The following DSCAM variants were observed in gnomAD, a reference collection of about 807,000 sequenced individuals.
The protein encoded by DSCAM is DS cell adhesion molecule.
DSCAM carries 47 observed loss-of-function variants against 217.7 expected under a neutral mutation model. The ratio of observed to expected loss-of-function variants is 0.22; its 90% CI spans 0.17 to 0.28. The LOEUF is 0.28. Ranked by LOEUF, DSCAM falls within the 10% of genes least tolerant of loss-of-function variation. DSCAM has a pLI of 1.00. For missense variants in DSCAM, 2,080 were observed against 2,618.3 expected (o/e 0.79, Z 4.49); for synonymous variants, 1,056 against 1,015.3 (o/e 1.04, Z -0.76).
intron 26 of DSCAM, among the ~76,000 whole-genome samples, chr21:40,075,657 T>C (rs756862960): frequency 1.3e-5 from 2 of 152,210 alleles, no homozygotes; most frequent in African/African-American, 2.4e-5. Flanking sequence ...GGGTCCTAGA[T>C]ACACTGGCAT....
chr21:40,144,754 C>T lies in DSCAM; in HGVS notation c.3019-23G>A. 6.2e-7 allele frequency: 1 copy of T among 1,613,682 alleles called. No individual in the cohort carries two copies. Among genetic ancestry groups the T allele is most frequent in the Non-Finnish European group, 8.5e-7 (1 of 1,179,882 alleles). On this transcript the variant is annotated intron_variant, in intron 16 of 32. Transcript: ENST00000400454. This position sits in a 1 kb window ranked among gnomAD's most constrained non-coding sequence, Gnocchi z 4.8. ...AGCCTAAACAGGAGAGAAAAGAACACACTAAAGAAGTCTTGAGGTAGGACA... is the reference window on the plus strand; with the variant it reads ...AGCCTAAACAGGAGAGAAAAGAACATACTAAAGAAGTCTTGAGGTAGGACA...
At chr21:40,536,467 T>C (rs1487327689) in intron 3 of DSCAM, among the ~76,000 whole-genome samples, 3 of 148,390 alleles carry the variant, frequency 2.0e-5, no homozygotes, top group Non-Finnish European at 4.5e-5. Context: ...AGTGGCGCCA[T>C]CTCGGCTCAC....
At chr21:40,385,068 CCA>C (rs570724964) in intron 3 of DSCAM, 4 of 152,006 alleles carry the variant, frequency 2.6e-5, no homozygotes, top group Admixed American at 6.6e-5. Flanking sequence ...GTGTGTATTC[CCA>C]GTTTCGACTT....
At chr21:40,372,592 T>C (rs569471527) in intron 3 of DSCAM, among the ~76,000 whole-genome samples, 1 of 152,302 alleles carries the variant, frequency 6.6e-6, no homozygotes, top group South Asian at 2.1e-4. Flanking sequence ...CTATGTGGCA[T>C]CTCAAGATGC....
chr21:40,202,474 T>C (rs1331870018), intron 11 of DSCAM, among the ~76,000 whole-genome samples: 2 of 152,190 alleles, frequency 1.3e-5, no homozygotes, highest in African/African-American at 4.8e-5. Flanking sequence ...GTGTGCTGTG[T>C]CTTCTGGAAG....
chr21:40,732,975 G>A (rs1189530901), intron 1 of DSCAM, among the ~76,000 whole-genome samples: 1 of 152,214 alleles, frequency 6.6e-6, no homozygotes, highest in Non-Finnish European at 1.5e-5. Context: ...TACAGCGACA[G>A]TTAAAGATTA....
At chr21:40,455,602 A>C (rs1374585595) in intron 3 of DSCAM, among the ~76,000 whole-genome samples, 1 of 152,186 alleles carries the variant, frequency 6.6e-6, no homozygotes, top group East Asian at 1.9e-4. Context: ...CCCCGTCTCT[A>C]CTGTAAATAT....
intron 32 of DSCAM, among the ~76,000 whole-genome samples, chr21:40,033,970 G>T (rs1204967530): frequency 7.9e-6 from 1 of 127,292 alleles, no homozygotes; most frequent in Non-Finnish European, 1.7e-5. Context: ...TGAGGGTCCT[G>T]TCTGTTAGAA....
chr21:40,447,191 G>T (rs753366495), intron 3 of DSCAM, among the ~76,000 whole-genome samples: 9 of 152,160 alleles, frequency 5.9e-5, no homozygotes, highest in Non-Finnish European at 1.3e-4. Flanking sequence ...GGGCATGTAG[G>T]TGAATGAAAC....
chr21:40,782,006 A>AAG (rs1555888313), intron 1 of DSCAM, among the ~76,000 whole-genome samples: 17 of 149,726 alleles, frequency 1.1e-4, no homozygotes, highest in African/African-American at 3.2e-4. Flanking sequence ...AAAAAAAAAA[A>AAG]AAAAGAAAAA....
chr21:40,543,516 T>A (rs1346612650), intron 3 of DSCAM, among the ~76,000 whole-genome samples: 1 of 152,008 alleles, frequency 6.6e-6, no homozygotes, highest in African/African-American at 2.4e-5. Context: ...TCAGGTTGAA[T>A]GGAAATCACA....
chr21:40,736,014 A>G (rs555622360), intron 1 of DSCAM, among the ~76,000 whole-genome samples: 3 of 152,200 alleles, frequency 2.0e-5, no homozygotes, highest in African/African-American at 7.2e-5. Flanking sequence ...TTGAATACAA[A>G]GTCAAGGGGA....
intron 24 of DSCAM, among the ~76,000 whole-genome samples, chr21:40,082,047 A>C (rs2089470176): frequency 6.6e-6 from 1 of 152,030 alleles, no homozygotes; most frequent in African/African-American, 2.4e-5. Context: ...TCAGCCTGGA[A>C]CCTTTGGTAG....
chr21:40,673,294 C>G (rs920876701), intron 3 of DSCAM, among the ~76,000 whole-genome samples: 1 of 152,084 alleles, frequency 6.6e-6, no homozygotes, highest in Non-Finnish European at 1.5e-5. Flanking sequence ...TGATGCCCCC[C>G]CCAAAATACA....
chr21:40,680,122 T>C (rs755271069), intron 3 of DSCAM, among the ~76,000 whole-genome samples: 29 of 152,206 alleles, frequency 1.9e-4, no homozygotes, highest in Non-Finnish European at 4.0e-4. Context: ...ATAATGTTAT[T>C]TTTATTCCTA....
At chr21:40,145,647 A>C (rs12151970) in intron 16 of DSCAM, among the ~76,000 whole-genome samples, 71,794 of 151,816 alleles carry the variant, frequency 0.47, 19,604 homozygotes, top group South Asian at 0.63. Flanking sequence ...GAGTTCAAGA[A>C]CAGCCTGGCC....
intron 3 of DSCAM, among the ~76,000 whole-genome samples, chr21:40,489,774 C>CAGAAA (rs1555844908): frequency 4.2e-5 from 2 of 47,178 alleles, no homozygotes; most frequent in Non-Finnish European, 7.3e-5. Flanking sequence ...GACTCCGTCT[C>CAGAAA]AAAAAAAAAA....
intron 20 of DSCAM, among the ~76,000 whole-genome samples, chr21:40,106,974 G>A (rs755540571): frequency 1.3e-5 from 2 of 150,050 alleles, no homozygotes; most frequent in Admixed American, 1.3e-4. Context: ...ATCTCCTTCT[G>A]TTCAGCTCTG....
intron 9 of DSCAM, among the ~76,000 whole-genome samples, chr21:40,305,112 G>C (rs1426927186): frequency 1.3e-5 from 2 of 152,102 alleles, no homozygotes; most frequent in African/African-American, 4.8e-5. Flanking sequence ...AAGTGTGGCC[G>C]GGCATGGTGG....
Sources: allele counts gnomAD v4.1 joint callset (sites outside exome capture counted in the v4.1 genomes callset), GRCh38; gene constraint gnomAD v4.1.1; non-coding constraint Gnocchi (gnomAD v3.1); transcripts MANE v1.5; gene names NCBI Gene and HGNC (gene_info 2026-07-23, HGNC 2026-07-21).